PI4K2B: variants seen among roughly 807,000 people sequenced by gnomAD.
PI4K2B encodes the protein phosphatidylinositol 4-kinase type 2 beta.
PI4K2B carries 46 observed loss-of-function variants against 56.6 expected under a neutral mutation model. The observed-to-expected ratio is 0.81, with a 90% CI of 0.64 to 1.04. PI4K2B has a LOEUF of 1.04. PI4K2B is among the 50% of genes least tolerant of loss of function. The pLI, the probability that PI4K2B is intolerant of heterozygous loss-of-function variation, is 0.00. For synonymous variants in PI4K2B, 211 were observed against 223.8 expected, an observed-to-expected ratio of 0.94 and a Z score of 0.51; for missense variants, 556 against 607.7, an observed-to-expected ratio of 0.91 and a Z score of 0.89.
intron 1 of PI4K2B, among the ~76,000 whole-genome samples, chr4:25,247,742 ACACT>A (rs748893403): frequency 1.3e-5 from 2 of 151,994 alleles, no homozygotes; most frequent in Non-Finnish European, 2.9e-5. Context: ...TCTTATTCTG[ACACT>A]CAGGCTGAGT....
chr4:25,276,166 T>A (rs898721970), intron 9 of PI4K2B, among the ~76,000 whole-genome samples: 2 of 152,234 alleles, frequency 1.3e-5, no homozygotes, highest in Non-Finnish European at 2.9e-5. Flanking sequence ...AAGGACATTT[T>A]TCCTAATATG....
intron 5 of PI4K2B, among the ~76,000 whole-genome samples, chr4:25,259,689 A>G (rs1716387183): frequency 6.6e-6 from 1 of 152,058 alleles, no homozygotes; most frequent in Non-Finnish European, 1.5e-5. Flanking sequence ...CACTAATGAC[A>G]GCTGATGAGC....
At chr4:25,258,212 C>A (rs1716322576) in intron 4 of PI4K2B, among the ~76,000 whole-genome samples, 1 of 71,696 alleles carries the variant, frequency 1.4e-5, no homozygotes, top group South Asian at 3.8e-4. Flanking sequence ...AGGAATCTGT[C>A]CTTTTTTTTT....
intron 1 of PI4K2B, among the ~76,000 whole-genome samples, chr4:25,243,150 C>T (rs897682005): frequency 6.6e-6 from 1 of 152,308 alleles, no homozygotes. Context: ...TTTCCTGGCC[C>T]TCAATAGTTA....
chr4:25,239,737 C>T (rs927907470), intron 1 of PI4K2B, among the ~76,000 whole-genome samples: 10 of 152,184 alleles, frequency 6.6e-5, no homozygotes, highest in Non-Finnish European at 1.2e-4. Context: ...GCGCCGAGGC[C>T]GAGGAGGCGC....
chr4:25,252,438 G>T lies in PI4K2B; in HGVS notation c.386G>T (p.Gly129Val). The part of the protein sequence containing the change: ...VGIFPERISQ[G>V]SSGSYFVKDP... ...ATTTTTCCAGAAAGAATCTCTCAAG[G>T]TTCAAGTGGAAGTTACTTTGTGAAG... The change falls in exon 2 of 10, where the codon GGT (glycine) becomes GTT (valine). Residue 129 changes from glycine (G) to valine (V), a missense_variant. Physicochemically the swap from Gly to Val is moderately radical, Grantham distance 109 (BLOSUM62 -3). Transcript: ENST00000264864. The T allele has an allele frequency of 6.2e-7, 1 of 1,612,180 alleles. No individual in the cohort carries two copies. The highest frequency in any genetic ancestry group is 8.5e-7 in the Non-Finnish European group (1 of 1,178,290).
At chr4:25,255,519 G>C (rs1446252850) in intron 3 of PI4K2B, among the ~76,000 whole-genome samples, 5 of 152,180 alleles carry the variant, frequency 3.3e-5, no homozygotes, top group Non-Finnish European at 5.9e-5. Flanking sequence ...GCATTCAGAA[G>C]GCAGGAAAAT....
At position 25,240,307 on chromosome 4, in the gene PI4K2B, C is replaced by T. The variant is rs114997534; in HGVS notation, c.268+5876C>T. 7.9e-3 allele frequency among the ~76,000 whole-genome samples: 1,196 copies of T among 152,232 alleles called. 14 individuals are homozygous for T. The highest frequency in any genetic ancestry group is 0.027 in the Middle Eastern group (8 of 294). ...AGCAGCGAAGAGGTCTAGGCCTTGG[C>T]GGTTTTGGAGATTCACTGCTGCCAA... is the stretch of plus-strand genomic sequence containing the variant. On this transcript the variant is annotated intron_variant, in intron 1 of 9. Coordinates refer to ENST00000264864, the MANE Select transcript of PI4K2B (RefSeq NM_018323.4).
intron 1 of PI4K2B, among the ~76,000 whole-genome samples, chr4:25,249,021 A>G (rs1715917489): frequency 6.6e-6 from 1 of 152,064 alleles, no homozygotes; most frequent in African/African-American, 2.4e-5. Context: ...ACTCTTAACG[A>G]GTATGCTGCC....
At chr4:25,249,406 C>T (rs1478436989) in intron 1 of PI4K2B, among the ~76,000 whole-genome samples, 1 of 136,236 alleles carries the variant, frequency 7.3e-6, no homozygotes, top group Non-Finnish European at 1.6e-5. Flanking sequence ...GGCGCCCCTC[C>T]ACCCCCCGGA....
At chr4:25,254,945 G>A (rs1004175410) in intron 2 of PI4K2B, 120 bp from the exon 3 acceptor site, 1 of 651,594 alleles carries the variant, frequency 1.5e-6, no homozygotes, top group Non-Finnish European at 2.7e-6. Flanking sequence ...TTAATAGTTT[G>A]GGGATTTATG....
At chr4:25,270,569 A>G (rs1308207269) in intron 9 of PI4K2B, among the ~76,000 whole-genome samples, 3 of 151,992 alleles carry the variant, frequency 2.0e-5, no homozygotes, top group African/African-American at 7.3e-5. Flanking sequence ...GCTGGTCTTG[A>G]ACTCCTGACC....
chr4:25,270,267 T>C lies in PI4K2B; in HGVS notation c.1272+1064T>C, dbSNP rs569099943. Among the ~76,000 whole-genome samples, 13 of 152,314 alleles carry C rather than the reference T, an allele frequency of 8.5e-5. No individual in the cohort carries two copies. In the East Asian group the frequency reaches 1.9e-3, roughly 23 times the overall value. ...CCATGTCACCAAGATTGAGTATCAA[T>C]TGTGACATGAAAAAACTAATTGTAA... On this transcript the variant is annotated intron_variant, in intron 9 of 9. Coordinates refer to ENST00000264864, the MANE Select transcript of PI4K2B (RefSeq NM_018323.4).
chr4:25,248,676 TTC>T (rs1179399819), intron 1 of PI4K2B, among the ~76,000 whole-genome samples: 2 of 152,048 alleles, frequency 1.3e-5, no homozygotes, highest in East Asian at 1.9e-4. Context: ...AAAAGCTGTA[TTC>T]TGTTTTGAGT....
chr4:25,260,856 T>G (rs2109018764), intron 6 of PI4K2B, among the ~76,000 whole-genome samples: 1 of 143,614 alleles, frequency 7.0e-6, no homozygotes, highest in African/African-American at 2.5e-5. Context: ...TACGTTGCAT[T>G]TCTTGATTCT....
intron 1 of PI4K2B, among the ~76,000 whole-genome samples, chr4:25,249,697 G>A (rs1316048787): frequency 1.3e-5 from 2 of 151,602 alleles, no homozygotes; most frequent in Admixed American, 6.6e-5. Flanking sequence ...GTTCCCAGAC[G>A]GGGTGGCGGC....
intron 1 of PI4K2B, among the ~76,000 whole-genome samples, chr4:25,236,204 CAAAAATAAATAAA>C (rs1715254279): frequency 7.8e-6 from 1 of 128,248 alleles, no homozygotes; most frequent in African/African-American, 3.1e-5. Flanking sequence ...GACTCTGTCT[CAAAAATAAATAAA>C]TAAATAAATA....
At chr4:25,270,061 A>G (rs561315822) in intron 9 of PI4K2B, among the ~76,000 whole-genome samples, 8 of 152,184 alleles carry the variant, frequency 5.3e-5, no homozygotes, top group African/African-American at 1.9e-4. Flanking sequence ...TATTTAGCTC[A>G]GTGTTTCCCC....
chr4:25,242,535 G>T (rs1293127676), intron 1 of PI4K2B, among the ~76,000 whole-genome samples: 1 of 152,218 alleles, frequency 6.6e-6, no homozygotes, highest in Admixed American at 6.5e-5. Flanking sequence ...GCAGGGTATT[G>T]GGGTTGGGTA....
Sources: gnomAD v4.1 joint callset for allele counts (sites outside exome capture counted in the v4.1 genomes callset) on GRCh38, gnomAD v4.1.1 for gene constraint, MANE v1.5 for transcripts, NCBI Gene and HGNC (gene_info 2026-07-23, HGNC 2026-07-21) for gene names.